Variants in TTC7A observed in about 807,000 individuals in gnomAD.
TTC7A encodes the protein tetratricopeptide repeat domain 7A, also known as tetratricopeptide repeat protein 7A.
A neutral mutation model predicts 103.7 loss-of-function variants in TTC7A; 110 were observed. The observed-to-expected ratio is 1.06, with a 90% CI of 0.91 to 1.24. TTC7A has a LOEUF of 1.24. Ranked by LOEUF, TTC7A falls within the 50% of genes most tolerant of loss-of-function variation. The probability of loss-of-function intolerance (pLI) is 0.00; values close to 1 mark genes in which losing one functional copy is unlikely to be tolerated. For synonymous variants in TTC7A, 521 were observed against 467.9 expected (o/e 1.11, Z -1.47); for missense variants, 1,340 against 1,116.3 (o/e 1.20, Z -2.86).
intron 1 of TTC7A, among the ~76,000 whole-genome samples, chr2:46,942,775 C>CA (rs1371417282): frequency 2.0e-5 from 3 of 152,212 alleles, no homozygotes; most frequent in Non-Finnish European, 4.4e-5. Context: ...TATTACCTCT[C>CA]AAAGATGTAC....
intron 1 of TTC7A, among the ~76,000 whole-genome samples, chr2:46,944,133 C>T (rs994365083): frequency 6.6e-6 from 1 of 152,148 alleles, no homozygotes; most frequent in East Asian, 1.9e-4. Flanking sequence ...CAGAGTCCTG[C>T]TTGCTGTGCT....
intron 18 of TTC7A, among the ~76,000 whole-genome samples, chr2:47,053,340 A>G (rs540430811): frequency 5.5e-4 from 81 of 148,582 alleles, no homozygotes; most frequent in Non-Finnish European, 8.8e-4. Flanking sequence ...ATGACTTCCA[A>G]CTTCCAAGGG....
chr2:46,968,666 G>A (rs550699843), intron 3 of TTC7A, among the ~76,000 whole-genome samples: 5 of 152,256 alleles, frequency 3.3e-5, no homozygotes, highest in East Asian at 1.9e-4. Flanking sequence ...GACCGCCTCC[G>A]TGAATGTACC....
At chr2:47,032,432 G>C (rs539198353) in intron 15 of TTC7A, among the ~76,000 whole-genome samples, 78 of 152,180 alleles carry the variant, frequency 5.1e-4, no homozygotes, top group Non-Finnish European at 9.8e-4. Flanking sequence ...CTCTGCCGTG[G>C]GAACAACTCA....
At chr2:46,946,948 G>A (rs1670996110) in intron 1 of TTC7A, among the ~76,000 whole-genome samples, 1 of 152,130 alleles carries the variant, frequency 6.6e-6, no homozygotes. Flanking sequence ...ACAACAAGTA[G>A]ATTGAGTTGG....
chr2:46,961,151 G>T (rs1432274905), intron 3 of TTC7A, among the ~76,000 whole-genome samples: 1 of 152,210 alleles, frequency 6.6e-6, no homozygotes, highest in Admixed American at 6.5e-5. Context: ...GTCAGATCAG[G>T]GGAAGACCCT....
At chr2:47,046,238 G>A (rs969480290) in intron 15 of TTC7A, 77 bp from the exon 16 acceptor site, 10 of 1,161,960 alleles carry the variant, frequency 8.6e-6, no homozygotes, top group Non-Finnish European at 1.2e-5. Context: ...ATGTGGAGCC[G>A]CCCTGGTGGG....
rs114589579 is a variant in TTC7A at position 46,920,089 on chromosome 2, G to A, written c.82+2812G>A. ...TGCATTTGATGACCTTGTTTCTTCC[G>A]TCCCTGACTTTATCAAAGCACACAT... On this transcript the variant is annotated intron_variant, in intron 2 of 20. Transcript: ENST00000409245. Among the ~76,000 whole-genome samples, 837 of 152,228 alleles carry A rather than the reference G, an allele frequency of 5.5e-3. 9 individuals are homozygous for A. Among genetic ancestry groups the A allele is most frequent in the African/African-American group, 0.019 (795 of 41,528 alleles).
At chr2:46,920,393 G>T (rs1400082463) in intron 2 of TTC7A, among the ~76,000 whole-genome samples, 1 of 151,850 alleles carries the variant, frequency 6.6e-6, no homozygotes, top group African/African-American at 2.4e-5. Flanking sequence ...ACAGTGGCAC[G>T]ATCTTAGCTC....
chr2:47,004,449 G>A (rs571220756), intron 8 of TTC7A, among the ~76,000 whole-genome samples: 1 of 152,330 alleles, frequency 6.6e-6, no homozygotes, highest in East Asian at 1.9e-4. Flanking sequence ...AAGGGAAGCT[G>A]TGAGGCCCAC....
intron 2 of TTC7A, among the ~76,000 whole-genome samples, chr2:46,954,788 C>G (rs978354933): frequency 1.3e-5 from 2 of 152,128 alleles, no homozygotes. Context: ...CCAGGCTGGT[C>G]TCAAATTCCT....
intron 19 of TTC7A, chr2:47,065,668 C>T (rs192573758): frequency 6.6e-6 from 1 of 152,334 alleles, no homozygotes; most frequent in East Asian, 1.9e-4. Flanking sequence ...TCAAAACAGT[C>T]CTTACGCCCA....
intron 19 of TTC7A, chr2:47,068,703 C>T (rs1236781178): frequency 1.3e-5 from 2 of 151,920 alleles, no homozygotes; most frequent in Non-Finnish European, 2.9e-5. Flanking sequence ...CAGCCCCACA[C>T]ACACACCCTG....
At chr2:47,037,166 C>T (rs1272840934) in intron 15 of TTC7A, among the ~76,000 whole-genome samples, 1 of 151,780 alleles carries the variant, frequency 6.6e-6, no homozygotes, top group Admixed American at 6.6e-5. Flanking sequence ...CAAAGCTGAA[C>T]CACTCATTTG....
intron 8 of TTC7A, among the ~76,000 whole-genome samples, chr2:47,002,504 G>C (rs1415490220): frequency 6.6e-6 from 1 of 152,142 alleles, no homozygotes; most frequent in Non-Finnish European, 1.5e-5. Flanking sequence ...AAGGGAAAGA[G>C]TGTGGCTGGG....
At chr2:47,059,228 G>A (rs1683575143) in intron 18 of TTC7A, among the ~76,000 whole-genome samples, 1 of 151,692 alleles carries the variant, frequency 6.6e-6, no homozygotes, top group Non-Finnish European at 1.5e-5. Context: ...TCACCATCCT[G>A]GCCAGGCTGG....
intron 8 of TTC7A, among the ~76,000 whole-genome samples, chr2:46,999,115 C>T (rs1676523090): frequency 6.6e-6 from 1 of 152,150 alleles, no homozygotes; most frequent in Admixed American, 6.5e-5. Flanking sequence ...TCCTCCTACC[C>T]ACCATTCATT....
intron 3 of TTC7A, among the ~76,000 whole-genome samples, chr2:46,961,023 A>C (rs1012591401): frequency 6.6e-6 from 1 of 152,108 alleles, no homozygotes; most frequent in Non-Finnish European, 1.5e-5. Flanking sequence ...TTATATTTCA[A>C]CCTAACATCC....
chr2:46,971,563 G>T (rs2104191986), intron 3 of TTC7A, among the ~76,000 whole-genome samples: 1 of 152,188 alleles, frequency 6.6e-6, no homozygotes, highest in African/African-American at 2.4e-5. Context: ...GTTTTAGAAG[G>T]ATCCCCCTGG....
Sources: allele counts gnomAD v4.1 joint callset (sites outside exome capture counted in the v4.1 genomes callset), GRCh38; gene constraint gnomAD v4.1.1; transcripts MANE v1.5; gene names NCBI Gene and HGNC (gene_info 2026-07-23, HGNC 2026-07-21).